Variants in KCNK2 observed in about 807,000 individuals in gnomAD.
The protein encoded by KCNK2 is potassium channel subfamily K member 2.
KCNK2 carries 21 observed loss-of-function variants against 40.5 expected under a neutral mutation model. The ratio of observed to expected loss-of-function variants is 0.52; its 90% confidence interval spans 0.37 to 0.75. The LOEUF is 0.75. KCNK2 is among the 30% of genes least tolerant of loss of function. KCNK2 has a pLI of 0.00. For missense variants in KCNK2, 399 were observed against 531.6 expected, an observed-to-expected ratio of 0.75 and a Z score of 2.45; for synonymous variants, 191 against 202.2, an observed-to-expected ratio of 0.94 and a Z score of 0.47.
At position 215,194,879 on chromosome 1, in the gene KCNK2, T is replaced by C. The variant is rs961009632; in HGVS notation, c.824-74T>C. ...GTTTTGCAAACCAAAATTTAGTTAG[T>C]AATTTTAGCAATACCTAGATTGTTT... is the stretch of plus-strand genomic sequence containing the variant. On this transcript the variant is annotated intron_variant, in intron 5 of 6. Coordinates refer to ENST00000444842, the MANE Select transcript of KCNK2 (RefSeq NM_001017425.3). The C allele has an allele frequency of 1.4e-5, 20 of 1,401,174 alleles. No individual in the cohort carries two copies. In the African/African-American group the frequency reaches 2.6e-4, roughly 18 times the overall value. The allele number at this position is 1,401,174 out of a possible 1,614,324, so 86.8% of individuals were successfully genotyped here. A position where few individuals can be genotyped will look rare whatever the true frequency, so the allele number is the denominator to read the frequency against.
intron 2 of KCNK2, among the ~76,000 whole-genome samples, chr1:215,101,575 G>T (rs1369356376): frequency 6.6e-6 from 1 of 151,940 alleles, no homozygotes; most frequent in Non-Finnish European, 1.5e-5. Flanking sequence ...AGGACAAGTG[G>T]TCTGGGCTTT....
intron 1 of KCNK2, among the ~76,000 whole-genome samples, chr1:215,021,351 T>G (rs554540748): frequency 6.6e-6 from 1 of 152,210 alleles, no homozygotes; most frequent in South Asian, 2.1e-4. Context: ...TGGGAAAGCA[T>G]TATGTCTGGA....
chr1:215,125,426 C>T (rs528306998), intron 3 of KCNK2, among the ~76,000 whole-genome samples: 3 of 152,110 alleles, frequency 2.0e-5, no homozygotes, highest in South Asian at 2.1e-4. Flanking sequence ...TCTTCTAAAG[C>T]GGCAGAATGG....
rs147287301 is a variant in KCNK2 at position 215,016,809 on chromosome 1, T to C, written c.34+10854T>C. ...GGAAACAGTTAACAGAATGAAGAGA[T>C]ACTGTAAGGAAAAGAAGAAAATATT... On this transcript the variant is annotated intron_variant, in intron 1 of 6. Coordinates refer to the KCNK2 transcript ENST00000391895. Among the ~76,000 whole-genome samples, 575 of 152,086 alleles carry C rather than the reference T, an allele frequency of 3.8e-3. 2 individuals are homozygous for C. The highest frequency in any genetic ancestry group is 0.013 in the African/African-American group (552 of 41,500).
chr1:215,117,835 A>G (rs1468487223), intron 2 of KCNK2, among the ~76,000 whole-genome samples: 1 of 152,080 alleles, frequency 6.6e-6, no homozygotes, highest in African/African-American at 2.4e-5. Flanking sequence ...GAAAGGACAA[A>G]GAGGTAAAGA....
intron 3 of KCNK2, among the ~76,000 whole-genome samples, chr1:215,137,191 A>G (rs1661960617): frequency 6.6e-6 from 1 of 152,186 alleles, no homozygotes; most frequent in South Asian, 2.1e-4. Flanking sequence ...TTCCATTAGC[A>G]TTTAGAGTAT....
chr1:215,176,401 C>A (rs910784049), intron 5 of KCNK2, among the ~76,000 whole-genome samples: 1 of 151,924 alleles, frequency 6.6e-6, no homozygotes, highest in Non-Finnish European at 1.5e-5. Flanking sequence ...CATAGGCAAA[C>A]GTGTGCCATG....
Position 215,060,074 on chromosome 1 carries a change from G to T in KCNK2, c.35-26294G>T, listed in dbSNP as rs561581498. Among the ~76,000 whole-genome samples, 3 of 152,262 alleles carry T rather than the reference G, an allele frequency of 2.0e-5. No individual in the cohort carries two copies. In the East Asian group the frequency reaches 5.8e-4, roughly 29 times the overall value. On this transcript the variant is annotated intron_variant, in intron 1 of 6. Transcript: ENST00000391895. ...CTCCCTCCTCTTAGTTGTGATATTT[G>T]CTCCCTTCACTTTCCCTGTGGCTCA...
intron 1 of KCNK2, among the ~76,000 whole-genome samples, chr1:215,037,426 G>T (rs1169264116): frequency 6.6e-6 from 1 of 151,874 alleles, no homozygotes; most frequent in Admixed American, 6.6e-5. Flanking sequence ...CTGGGTTTGA[G>T]ATATTAATAT....
chr1:215,143,724 G>A (rs1457941785), intron 3 of KCNK2, among the ~76,000 whole-genome samples: 3 of 152,080 alleles, frequency 2.0e-5, no homozygotes, highest in Non-Finnish European at 4.4e-5. Context: ...AGTGGCCAGG[G>A]GAGCCAGACC....
At chr1:215,079,051 A>G (rs1182410493), upstream of KCNK2, among the ~76,000 whole-genome samples, 3 of 152,358 alleles carry the variant, frequency 2.0e-5, no homozygotes, top group Non-Finnish European at 1.5e-5. Flanking sequence ...GAGCAGAACA[A>G]TAGATCTGAA....
intron 1 of KCNK2, among the ~76,000 whole-genome samples, chr1:215,037,424 G>A (rs554124708): frequency 1.1e-4 from 16 of 151,898 alleles, no homozygotes; most frequent in Non-Finnish European, 2.4e-4. Context: ...TTCTGGGTTT[G>A]AGATATTAAT....
chr1:215,136,323 C>A (rs1212256797), intron 3 of KCNK2, among the ~76,000 whole-genome samples: 1 of 151,614 alleles, frequency 6.6e-6, no homozygotes, highest in Non-Finnish European at 1.5e-5. Flanking sequence ...TCTCGAACTC[C>A]TGAGCTCAAG....
chr1:215,208,691 G>A (rs1249996862), intron 6 of KCNK2, among the ~76,000 whole-genome samples: 1 of 151,890 alleles, frequency 6.6e-6, no homozygotes, highest in Non-Finnish European at 1.5e-5. Flanking sequence ...AAGTTTATTG[G>A]GATATCTTAC....
chr1:215,007,210 T>G (rs1656208975), intron 1 of KCNK2, among the ~76,000 whole-genome samples: 1 of 84,706 alleles, frequency 1.2e-5, no homozygotes, highest in Non-Finnish European at 2.4e-5. Flanking sequence ...TATATATATA[T>G]ATATATATAT....
intron 5 of KCNK2, among the ~76,000 whole-genome samples, chr1:215,179,201 T>G (rs1342602354): frequency 6.6e-6 from 1 of 152,016 alleles, no homozygotes; most frequent in Admixed American, 6.6e-5. Context: ...GTTGTAATGT[T>G]ACCTTTGTCA....
intron 1 of KCNK2, among the ~76,000 whole-genome samples, chr1:215,046,594 T>C (rs1286790542): frequency 6.6e-6 from 1 of 152,136 alleles, no homozygotes; most frequent in Non-Finnish European, 1.5e-5. Flanking sequence ...CAGGTTTTTT[T>C]GGATTATCAC....
intron 1 of KCNK2, among the ~76,000 whole-genome samples, chr1:215,070,518 G>A (rs1361079098): frequency 1.3e-5 from 2 of 151,712 alleles, no homozygotes; most frequent in African/African-American, 4.8e-5. Flanking sequence ...GAAGGTAAAT[G>A]AGGAGAAAAG....
At chr1:215,128,591 A>G (rs181687387) in intron 3 of KCNK2, among the ~76,000 whole-genome samples, 2 of 151,418 alleles carry the variant, frequency 1.3e-5, no homozygotes, top group Admixed American at 6.5e-5. Context: ...GGAAGAATAC[A>G]TGGGCTGGAA....
Sources: gnomAD v4.1 joint callset for allele counts (sites outside exome capture counted in the v4.1 genomes callset) on GRCh38, gnomAD v4.1.1 for gene constraint, MANE v1.5 for transcripts, NCBI Gene and HGNC (gene_info 2026-07-23, HGNC 2026-07-21) for gene names.